The following TRMT9B variants were observed in gnomAD, a reference collection of about 807,000 sequenced individuals.
TRMT9B encodes tRNA methyltransferase 9B (putative), also known as probable tRNA methyltransferase 9B.
TRMT9B carries 16 observed loss-of-function variants against 11.5 expected under a neutral mutation model. That is an observed-to-expected ratio of 1.39 (90% CI 0.94 to 2.11). The LOEUF (loss-of-function observed/expected upper bound fraction) is 2.11, where lower values mean the gene tolerates loss of function less well. Among genes scored for constraint, TRMT9B ranks in the 30% most tolerant of loss-of-function variants. The pLI is 0.00. For synonymous variants in TRMT9B, 274 were observed against 192.4 expected (o/e 1.42, Z -3.51); for missense variants, 941 against 553.8 (o/e 1.70, Z -7.02).
At chr8:12,954,768 C>G (rs1419075539) in intron 1 of TRMT9B, among the ~76,000 whole-genome samples, 2 of 152,216 alleles carry the variant, frequency 1.3e-5, no homozygotes, top group Non-Finnish European at 1.5e-5. Flanking sequence ...CATAGAACTC[C>G]TAGCTGAGAC....
chr8:12,998,602 G>C (rs987266860), intron 2 of TRMT9B, among the ~76,000 whole-genome samples: 3 of 152,174 alleles, frequency 2.0e-5, no homozygotes, highest in African/African-American at 7.2e-5. Context: ...GGAGGAGCAG[G>C]TATAAAAAGC....
chr8:12,954,265 T>C (rs150263393), intron 1 of TRMT9B, among the ~76,000 whole-genome samples: 125 of 152,350 alleles, frequency 8.2e-4, no homozygotes, highest in African/African-American at 2.8e-3. Flanking sequence ...GTATTTCTGA[T>C]ACGCGGATAT....
chr8:13,021,135 G>T lies in TRMT9B; in HGVS notation c.456G>T (p.Glu152Asp). Residue 152 changes from glutamate to aspartate, a missense_variant, in exon 5 of 5, where the codon GAG becomes GAT. Physicochemically the swap from Glu to Asp is conservative, Grantham distance 45. Transcript: ENST00000524591. ...WAMEQKNRHF[E>D]KQDVLVPWNR... ...TGGAACAAAAGAACCGTCACTTTGA[G>T]AAGCAAGACGTGCTTGTTCCATGGA... is the stretch of plus-strand genomic sequence containing the variant. 6.2e-7 allele frequency: 1 copy of T among 1,613,772 alleles called. No individual in the cohort carries two copies. Among genetic ancestry groups the T allele is most frequent in the African/African-American group, 1.3e-5 (1 of 75,046 alleles).
rs1585474843 is a variant in TRMT9B, at chr8:13,028,387, A to C, written c.*6343A>C. 1 of 167,026 alleles carries C rather than the reference A, an allele frequency of 6.0e-6. No individual in the cohort carries two copies. The highest frequency in any genetic ancestry group is 1.9e-4 in the East Asian group (1 of 5,194). 10.3% of individuals were successfully genotyped at this position (167,026 alleles called of 1,614,324 possible). A position where few individuals can be genotyped will look rare whatever the true frequency, so the allele number is the denominator to read the frequency against. ...ATTAATCATTAATACATCCACAGGA[A>C]AAATACATTTTCTCCACATGGAATA... On this transcript the variant is annotated 3_prime_UTR_variant, in exon 5 of 5. Transcript: ENST00000524591.
chr8:12,969,999 G>T (rs1032881194), intron 1 of TRMT9B: 7 of 151,944 alleles, frequency 4.6e-5, no homozygotes, highest in African/African-American at 1.7e-4. Context: ...ATACACAGTT[G>T]GTCAGATTGG....
At chr8:13,009,858 G>A (rs1811262049) in intron 3 of TRMT9B, among the ~76,000 whole-genome samples, 1 of 152,152 alleles carries the variant, frequency 6.6e-6, no homozygotes, top group Non-Finnish European at 1.5e-5. Context: ...GCCAGGCGCG[G>A]TATCTCACAC....
At chr8:12,997,882 C>T (rs1808654430) in intron 2 of TRMT9B, among the ~76,000 whole-genome samples, 2 of 152,174 alleles carry the variant, frequency 1.3e-5, no homozygotes, top group Non-Finnish European at 2.9e-5. Context: ...TATTAGAACT[C>T]ACCGATTCCA....
At chr8:13,012,458 C>T (rs1811801575) in intron 3 of TRMT9B, 1 of 505,474 alleles carries the variant, frequency 2.0e-6, no homozygotes, top group Middle Eastern at 7.2e-4. Flanking sequence ...GCCTATGATC[C>T]CACCTACTCG....
intron 3 of TRMT9B, among the ~76,000 whole-genome samples, chr8:13,007,921 T>C (rs1257673131): frequency 2.0e-5 from 3 of 152,226 alleles, no homozygotes; most frequent in Admixed American, 6.5e-5. Context: ...GCAAAATGCC[T>C]ATATATGATA....
intron 2 of TRMT9B, among the ~76,000 whole-genome samples, chr8:12,992,360 A>G (rs565327804): frequency 6.6e-6 from 1 of 152,280 alleles, no homozygotes; most frequent in Admixed American, 6.5e-5. Flanking sequence ...TTTGCAGTGT[A>G]TAGAAGTCCT....
intron 4 of TRMT9B, among the ~76,000 whole-genome samples, chr8:13,020,160 G>C (rs773283428): frequency 2.0e-5 from 3 of 152,114 alleles, no homozygotes; most frequent in African/African-American, 7.2e-5. Context: ...TGCCCTCACA[G>C]CTCATATCAA....
At position 13,022,258 on chromosome 8, in the gene TRMT9B, T is replaced by C. The variant is rs1814084710; in HGVS notation, c.*214T>C. On this transcript the variant is annotated 3_prime_UTR_variant, in exon 5 of 5. Coordinates refer to ENST00000524591, the MANE Select transcript of TRMT9B (RefSeq NM_020844.3). ...TTGACAAAGGGTATTTGTGCTTAAA[T>C]GTTAATATACAAGATCTGAAGAAGC... The C allele has an allele frequency of 4.1e-6, 2 of 485,706 alleles. No homozygotes were observed. Among genetic ancestry groups the C allele is most frequent in the South Asian group, 4.3e-5 (1 of 23,260 alleles). 30.1% of individuals were successfully genotyped at this position (485,706 alleles called of 1,614,324 possible).
intron 3 of TRMT9B, chr8:13,006,789 CT>C (rs1810562794): frequency 2.1e-6 from 1 of 470,480 alleles, no homozygotes; most frequent in East Asian, 5.4e-5. Context: ...CTGCCTCAGA[CT>C]CCCAAATAGC....
At chr8:12,968,021 A>G (rs1803058012) in intron 1 of TRMT9B, among the ~76,000 whole-genome samples, 1 of 152,166 alleles carries the variant, frequency 6.6e-6, no homozygotes. Context: ...AGCAGCTGGG[A>G]CTACAGGCAC....
At chr8:13,015,445 G>A (rs1004901395) in intron 4 of TRMT9B, among the ~76,000 whole-genome samples, 1 of 151,984 alleles carries the variant, frequency 6.6e-6, no homozygotes, top group African/African-American at 2.4e-5. Context: ...TCTACCTCCT[G>A]GTCTCAGGTT....
At chr8:12,982,803 C>T (rs1292717301) in intron 1 of TRMT9B, among the ~76,000 whole-genome samples, 1 of 152,146 alleles carries the variant, frequency 6.6e-6, no homozygotes, top group East Asian at 1.9e-4. Flanking sequence ...AAGTGGAAGT[C>T]ACGCCTGACT....
Position 13,028,170 on chromosome 8 carries a change from C to T in TRMT9B, c.*6126C>T, listed in dbSNP as rs1814923678. ...ATTTCAGTTACATCACATACTCTGT[C>T]CTCTTGTGGTGCGGGTCTTCCCCAG... On this transcript the variant is annotated 3_prime_UTR_variant, in exon 5 of 5. Transcript: ENST00000524591. 6.0e-6 allele frequency: 1 copy of T among 167,076 alleles called. No individual in the cohort carries two copies. Among genetic ancestry groups the T allele is most frequent in the Non-Finnish European group, 1.5e-5 (1 of 68,126 alleles). 10.3% of individuals were successfully genotyped at this position (167,076 alleles called of 1,614,324 possible).
intron 3 of TRMT9B, chr8:13,012,189 A>G (rs1396733340): frequency 7.1e-6 from 7 of 985,206 alleles, no homozygotes; most frequent in South Asian, 4.7e-5. Flanking sequence ...TCTCTCTTCT[A>G]TATGAGAATC....
At chr8:12,984,830 A>T (rs1805983075) in intron 1 of TRMT9B, among the ~76,000 whole-genome samples, 1 of 152,150 alleles carries the variant, frequency 6.6e-6, no homozygotes, top group African/African-American at 2.4e-5. Context: ...AGTTGCAATG[A>T]ACATGGCCTT....
Sources: gnomAD v4.1 joint callset for allele counts (sites outside exome capture counted in the v4.1 genomes callset) on GRCh38, gnomAD v4.1.1 for gene constraint, MANE v1.5 for transcripts, NCBI Gene and HGNC (gene_info 2026-07-23, HGNC 2026-07-21) for gene names.